Variants in USP47 observed in about 807,000 individuals in gnomAD.
USP47 encodes the protein ubiquitin specific peptidase 47, also known as ubiquitin carboxyl-terminal hydrolase 47.
In USP47, 35 loss-of-function variants were observed where a neutral mutation model predicts 165.1. That is an observed-to-expected ratio of 0.21 (90% CI 0.16 to 0.28). The LOEUF is 0.28. USP47 is among the 10% of genes least tolerant of loss of function. The pLI is 1.00. For missense variants in USP47, 1,277 were observed against 1,607.4 expected (o/e 0.79, Z 3.52); for synonymous variants, 531 against 544.5 (o/e 0.98, Z 0.35).
At chr11:11,862,216 C>T (rs976757808) in intron 1 of USP47, among the ~76,000 whole-genome samples, 5 of 151,938 alleles carry the variant, frequency 3.3e-5, no homozygotes, top group Non-Finnish European at 7.4e-5. Flanking sequence ...TTTTAAAGCA[C>T]ACTTTATGCT....
intron 11 of USP47, among the ~76,000 whole-genome samples, chr11:11,923,949 C>A (rs909345773): frequency 1.3e-5 from 2 of 152,234 alleles, no homozygotes; most frequent in African/African-American, 4.8e-5. Flanking sequence ...CATACACTTT[C>A]ATTTCATCTG....
Position 11,950,450 on chromosome 11 carries a change from G to C in USP47, c.3551G>C (p.Ser1184Thr), listed in dbSNP as rs749599332. The C allele has an allele frequency of 1.0e-5, 16 of 1,605,870 alleles. No individual in the cohort carries two copies. The highest frequency in any genetic ancestry group is 1.4e-5 in the Non-Finnish European group (16 of 1,177,346). ...HIYEEDINISSNWEVFLEVLD... is the reference protein window; with the variant it reads ...HIYEEDINISTNWEVFLEVLD... ...TATGAAGAAGATATTAATATTTCCA[G>C]CAACTGGGAGGTTTTCCTTGAAGTT... The change falls in exon 24 of 28, where the codon AGC (serine) becomes ACC (threonine). Residue 1184 changes from serine (S) to threonine (T), a missense_variant. Coordinates refer to ENST00000527733, the MANE Select transcript of USP47 (RefSeq NM_001282659.2).
Position 11,942,427 on chromosome 11 carries a change from C to A in USP47, c.2406C>A (p.Ile802=), listed in dbSNP as rs763394366. The A allele has an allele frequency of 3.7e-6, 6 of 1,613,532 alleles. No homozygotes were observed. Among genetic ancestry groups the A allele is most frequent in the Non-Finnish European group, 4.2e-6 (5 of 1,179,664 alleles). ...TCCTGGATCGGCATGCAAATACAAT[C>A]AGATTATTTGTTTTGCTACCTGAAC... The part of the protein sequence containing the change: ...WKLLDRHANT[I]RLFVLLPEQS... The change falls in exon 20 of 28, where the codon ATC becomes ATA. Residue 802 remains isoleucine, a synonymous_variant. Coordinates refer to ENST00000527733, the MANE Select transcript of USP47 (RefSeq NM_001282659.2).
At chr11:11,901,332 G>T (rs1852215680) in intron 5 of USP47, among the ~76,000 whole-genome samples, 1 of 152,148 alleles carries the variant, frequency 6.6e-6, no homozygotes, top group Non-Finnish European at 1.5e-5. Context: ...TGGGGAAATA[G>T]TAATCTTACT....
chr11:11,867,309 A>G (rs1019673164), intron 1 of USP47, among the ~76,000 whole-genome samples: 1 of 152,150 alleles, frequency 6.6e-6, no homozygotes, highest in African/African-American at 2.4e-5. Flanking sequence ...GTTCTAAGCC[A>G]TTATTTATTT....
chr11:11,933,847 T>G lies in USP47; in HGVS notation c.1781T>G (p.Leu594Trp), dbSNP rs912337525. ...ATTTTCTAGATAAAATTATTCTGTTTGCATCCTACAAAACAAGTAATGATG... is the reference window on the plus strand; with the variant it reads ...ATTTTCTAGATAAAATTATTCTGTTGGCATCCTACAAAACAAGTAATGATG... The part of the protein sequence containing the change: ...RNTCKIKLFC[L>W]HPTKQVMMEN... Residue 594 changes from leucine (L) to tryptophan (W), a missense_variant, in exon 16 of 28, where the codon TTG becomes TGG. Physicochemically the swap from Leu to Trp is moderately conservative, Grantham distance 61 (BLOSUM62 -2). Transcript: ENST00000527733. 1 of 1,606,812 alleles carries G rather than the reference T, an allele frequency of 6.2e-7. No homozygotes were observed.
At position 11,891,996 on chromosome 11, in the gene USP47, T is replaced by A. The variant is rs1564867207; in HGVS notation, c.386T>A (p.Val129Asp). ...LEDSSAGEDSVHDRFIGPLPR... is the reference protein window; with the variant it reads ...LEDSSAGEDSDHDRFIGPLPR... ...GATTCCAGTGCTGGGGAAGACAGTG[T>A]TCATGACAGGTTTATAGGTCCGCTT... The change falls in exon 4 of 28, where the codon GTT becomes GAT. Residue 129 changes from valine (V) to aspartate (D), a missense_variant. Physicochemically the swap from Val to Asp is radical, Grantham distance 152 (BLOSUM62 -3). This residue lies in a region of USP47 where 181 missense variants were observed against 194.7 expected (regional missense o/e 0.93). Transcript: ENST00000527733. 6.2e-7 allele frequency: 1 copy of A among 1,613,840 alleles called. No individual in the cohort carries two copies. Among genetic ancestry groups the A allele is most frequent in the Admixed American group, 1.7e-5 (1 of 59,982 alleles).
At chr11:11,863,872 A>G (rs975756804) in intron 1 of USP47, among the ~76,000 whole-genome samples, 2 of 152,158 alleles carry the variant, frequency 1.3e-5, no homozygotes, top group African/African-American at 4.8e-5. Context: ...ATTTTCTGGC[A>G]GTACAAGGTA....
At chr11:11,878,570 T>A (rs1290215679) in intron 1 of USP47, 1 of 152,134 alleles carries the variant, frequency 6.6e-6, no homozygotes, top group African/African-American at 2.4e-5. Context: ...AAGGTTTTTT[T>A]ATCTTTTTTG....
Position 11,938,350 on chromosome 11 carries a change from A to G in USP47, c.2171A>G (p.Glu724Gly). Residue 724 changes from glutamate (E) to glycine (G), a missense_variant, in exon 18 of 28, where the codon GAA becomes GGA. Coordinates refer to ENST00000527733, the MANE Select transcript of USP47 (RefSeq NM_001282659.2). ...GCTTACTTAAATCAGACAGTTACAG[A>G]ATTCAAACAACTGATTTCAAAGGTA... ...VRAYLNQTVT[E>G]FKQLISKAIH... 2 of 1,611,832 alleles carry G rather than the reference A, an allele frequency of 1.2e-6. No homozygotes were observed. Among genetic ancestry groups the G allele is most frequent in the Non-Finnish European group, 1.7e-6 (2 of 1,178,656 alleles).
At chr11:11,875,918 A>G (rs1177937264) in intron 1 of USP47, among the ~76,000 whole-genome samples, 2 of 152,178 alleles carry the variant, frequency 1.3e-5, no homozygotes, top group Non-Finnish European at 2.9e-5. Flanking sequence ...TACTTTTTTA[A>G]AAAGGATTTT....
intron 2 of USP47, among the ~76,000 whole-genome samples, chr11:11,883,265 T>A (rs535273477): frequency 3.1e-4 from 47 of 152,348 alleles, no homozygotes; most frequent in African/African-American, 1.0e-3. Context: ...AAGAGGTAGA[T>A]AATATATTCG....
chr11:11,893,498 A>G (rs1005842528), intron 4 of USP47, among the ~76,000 whole-genome samples: 17 of 152,132 alleles, frequency 1.1e-4, no homozygotes, highest in Non-Finnish European at 1.9e-4. Context: ...GTGCAGTTGT[A>G]AGATCATAGC....
chr11:11,855,262 A>C (rs1233447098), intron 1 of USP47, among the ~76,000 whole-genome samples: 1 of 152,236 alleles, frequency 6.6e-6, no homozygotes, highest in East Asian at 1.9e-4. Flanking sequence ...ATTAGGATTC[A>C]GTGCGAAATG....
rs915328195 is a variant in USP47 at position 11,960,254 on chromosome 11, G to C, written c.*4079G>C. Among the ~76,000 whole-genome samples the C allele has an allele frequency of 2.0e-5, 3 of 152,096 alleles. No individual in the cohort carries two copies. Among genetic ancestry groups the C allele is most frequent in the African/African-American group, 7.2e-5 (3 of 41,404 alleles). On this transcript the variant is annotated 3_prime_UTR_variant, in exon 28 of 28. Transcript: ENST00000527733. ...GTGGTGGAAGAGGCCAGGAAGAGCG[G>C]GGGGAAGACATGTGCTAACCACTTC...
rs532307106 is a variant in USP47 at position 11,932,001 on chromosome 11, CA to C, written c.1652-999del. On this transcript the variant is annotated intron_variant, in intron 14 of 27. Coordinates refer to ENST00000527733, the MANE Select transcript of USP47 (RefSeq NM_001282659.2). Reference sequence around the variant, plus strand: ...CCTCGCATTGCTATAAAGAAATACCCAAAACTGAGTAATTTATAAAGAAAGA... The same window carrying C: ...CCTCGCATTGCTATAAAGAAATACCCAAACTGAGTAATTTATAAAGAAAGA... 2.0e-3 allele frequency among the ~76,000 whole-genome samples: 304 copies of C among 152,200 alleles called. 2 individuals are homozygous for C. The highest frequency in any genetic ancestry group is 7.0e-3 in the African/African-American group (291 of 41,530).
chr11:11,869,445 A>T (rs1367312936), intron 1 of USP47, among the ~76,000 whole-genome samples: 1 of 147,388 alleles, frequency 6.8e-6, no homozygotes, highest in Non-Finnish European at 1.5e-5. Context: ...GTAGGTCTCT[A>T]TTGTGACATT....
chr11:11,886,235 G>A (rs1285484504), intron 3 of USP47, among the ~76,000 whole-genome samples: 1 of 152,144 alleles, frequency 6.6e-6, no homozygotes, highest in Non-Finnish European at 1.5e-5. Context: ...ACAGAACTGG[G>A]CTGAGGCTGA....
At chr11:11,927,574 C>T (rs1310422046) in intron 11 of USP47, among the ~76,000 whole-genome samples, 2 of 152,050 alleles carry the variant, frequency 1.3e-5, no homozygotes, top group Non-Finnish European at 2.9e-5. Context: ...TCTTACTTTG[C>T]TATTAATAAA....
Sources: gnomAD v4.1 joint callset for allele counts (sites outside exome capture counted in the v4.1 genomes callset) on GRCh38, gnomAD v4.1.1 for gene constraint, gnomAD v4.1.1 regional missense constraint, MANE v1.5 for transcripts, NCBI Gene and HGNC (gene_info 2026-07-23, HGNC 2026-07-21) for gene names.